Variants in FAM149A observed in about 807,000 individuals in gnomAD.
The protein encoded by FAM149A is protein FAM149A.
FAM149A carries 71 observed loss-of-function variants against 78.2 expected under a neutral mutation model. The ratio of observed to expected loss-of-function variants is 0.91; its 90% CI spans 0.75 to 1.11. The LOEUF is 1.11. FAM149A is among the 50% of genes least tolerant of loss of function. FAM149A has a pLI of 0.00. For missense variants in FAM149A, 1,036 were observed against 971.0 expected (o/e 1.07, Z -0.89); for synonymous variants, 446 against 410.5 (o/e 1.09, Z -1.04).
rs911481292 is a variant in FAM149A at position 186,158,144 on chromosome 4, C to T, written c.1575+425C>T. 12 of 1,286,782 alleles carry T rather than the reference C, an allele frequency of 9.3e-6. No homozygotes were observed. In the Middle Eastern group the frequency reaches 7.2e-4, roughly 77 times the overall value. 79.7% of individuals were successfully genotyped at this position (1,286,782 alleles called of 1,614,324 possible). A position where few individuals can be genotyped will look rare whatever the true frequency, so the allele number is the denominator to read the frequency against. ...CCTGTCTTGCTCCAGGAACACTGGCCGGCAGGCTGTGCTGAAGCTCACTGC... is the reference window on the plus strand; with the variant it reads ...CCTGTCTTGCTCCAGGAACACTGGCTGGCAGGCTGTGCTGAAGCTCACTGC... On this transcript the variant is annotated intron_variant, in intron 8 of 13. Transcript: ENST00000389354.
intron 1 of FAM149A, among the ~76,000 whole-genome samples, chr4:186,143,092 A>T (rs1216322405): frequency 1.3e-5 from 2 of 151,906 alleles, no homozygotes; most frequent in East Asian, 1.9e-4. Context: ...AATATATATA[A>T]AAGTAAAAGC....
At chr4:186,146,669 C>G (rs1409609532) in intron 1 of FAM149A, 3 of 705,972 alleles carry the variant, frequency 4.2e-6, no homozygotes, top group Non-Finnish European at 5.2e-6. Flanking sequence ...CCGTCTTGAG[C>G]AGAGCAGATG....
rs1051936621 is a variant in FAM149A at position 186,109,498 on chromosome 4, T to C, written c.566+3856T>C. On this transcript the variant is annotated intron_variant, in intron 1 of 13. Transcript: ENST00000389354. The stretch of plus-strand genomic sequence containing the variant: ...CTGTAGACCCGGAAACCAGACGAGG[T>C]GGATTCCACCTCAAACCGATTGCTA... The C allele has an allele frequency of 4.1e-6, 4 of 985,214 alleles. No homozygotes were observed. The African/African-American group carries it at 7.0e-5, about 17-fold the overall frequency. The allele number at this position is 985,214 out of a possible 1,614,324, so 61.0% of individuals were successfully genotyped here.
chr4:186,144,252 C>T lies in FAM149A; in HGVS notation c.567-4921C>T, dbSNP rs1214442318. 6.6e-6 allele frequency: 1 copy of T among 152,166 alleles called. No homozygotes were observed. Among genetic ancestry groups the T allele is most frequent in the African/African-American group, 2.4e-5 (1 of 41,432 alleles). 9.4% of individuals were successfully genotyped at this position (152,166 alleles called of 1,614,324 possible). On this transcript the variant is annotated intron_variant, in intron 1 of 13. Coordinates refer to ENST00000389354, the MANE Select transcript of FAM149A (RefSeq NM_001367768.3). This position sits in a 1 kb window ranked among gnomAD's most constrained non-coding sequence, Gnocchi z 4.2. ...TGCTCCTGGTATAATCCTGGGCCTC[C>T]AAAACTGAAACGAGCACATGGTAAC...
intron 1 of FAM149A, among the ~76,000 whole-genome samples, chr4:186,140,928 A>T (rs2099325540): frequency 6.6e-6 from 1 of 152,252 alleles, no homozygotes; most frequent in South Asian, 2.1e-4. Context: ...ATGGAGGCTG[A>T]CAAGTCACAA....
chr4:186,117,150 A>G (rs1425293301), intron 1 of FAM149A, among the ~76,000 whole-genome samples: 2 of 152,196 alleles, frequency 1.3e-5, no homozygotes, highest in African/African-American at 4.8e-5. Flanking sequence ...TGGCTGGTAC[A>G]TAAGCACTTA....
intron 3 of FAM149A, among the ~76,000 whole-genome samples, chr4:186,150,677 C>A (rs1426323474): frequency 6.7e-6 from 1 of 148,512 alleles, no homozygotes; most frequent in Admixed American, 6.7e-5. Context: ...TCTCGGCCTC[C>A]CAAAGTGCTG....
chr4:186,150,621 G>T (rs1194147683), intron 3 of FAM149A, among the ~76,000 whole-genome samples: 2 of 139,268 alleles, frequency 1.4e-5, no homozygotes, highest in African/African-American at 2.7e-5. Context: ...GGGTTTCACC[G>T]TGTTAGCCAG....
intron 1 of FAM149A, among the ~76,000 whole-genome samples, chr4:186,128,596 G>A (rs764798327): frequency 5.3e-5 from 8 of 152,162 alleles, no homozygotes; most frequent in Non-Finnish European, 1.2e-4. Context: ...GAAGGGCTGA[G>A]CTCTGCTTAA....
chr4:186,132,197 C>A (rs2099321028), intron 1 of FAM149A: 1 of 985,252 alleles, frequency 1.0e-6, no homozygotes, highest in African/African-American at 1.7e-5. Context: ...TTTTTAAAGA[C>A]CTGTTTTCTA....
intron 1 of FAM149A, among the ~76,000 whole-genome samples, chr4:186,120,639 C>T (rs2099315595): frequency 1.3e-5 from 2 of 150,754 alleles, no homozygotes. Context: ...TAAAAAAACA[C>T]AAAAATTAGC....
chr4:186,158,138 A>G lies in FAM149A; in HGVS notation c.1575+419A>G, dbSNP rs551067852. ...GAGGTCCCTGTCTTGCTCCAGGAAC[A>G]CTGGCCGGCAGGCTGTGCTGAAGCT... is the stretch of plus-strand genomic sequence containing the variant. On this transcript the variant is annotated intron_variant, in intron 8 of 13. Coordinates refer to ENST00000389354, the MANE Select transcript of FAM149A (RefSeq NM_001367768.3). 3.5e-5 allele frequency: 45 copies of G among 1,289,702 alleles called. 1 individual carries two copies. In the African/African-American group the frequency reaches 5.0e-4, roughly 14 times the overall value. 79.9% of individuals were successfully genotyped at this position (1,289,702 alleles called of 1,614,324 possible). A position where few individuals can be genotyped will look rare whatever the true frequency, so the allele number is the denominator to read the frequency against.
At chr4:186,127,325 G>A in intron 1 of FAM149A, 8 of 984,596 alleles carry the variant, frequency 8.1e-6, no homozygotes, top group Non-Finnish European at 9.6e-6. Context: ...ATAAGAAGTA[G>A]GTTTACTTCA....
At chr4:186,169,656 T>A in intron 13 of FAM149A, 1 of 985,408 alleles carries the variant, frequency 1.0e-6, no homozygotes, top group Non-Finnish European at 1.2e-6. Context: ...GGATTCATGG[T>A]GACACCTTCG....
chr4:186,151,608 G>A (rs754993824), intron 3 of FAM149A: 20 of 373,812 alleles, frequency 5.4e-5, no homozygotes, highest in Non-Finnish European at 7.0e-5. Flanking sequence ...GTCTGTGGCA[G>A]TATGAACACG....
At chr4:186,139,428 A>G (rs1482239478) in intron 1 of FAM149A, among the ~76,000 whole-genome samples, 3 of 151,762 alleles carry the variant, frequency 2.0e-5, no homozygotes, top group African/African-American at 7.2e-5. Flanking sequence ...CATGATTGCA[A>G]AGCCCTCGTG....
intron 4 of FAM149A, chr4:186,153,307 T>C: frequency 1.1e-6 from 1 of 930,624 alleles, no homozygotes; most frequent in Non-Finnish European, 1.3e-6. Context: ...ATGGAGGGCT[T>C]CTTTGTGCCC....
chr4:186,132,870 T>TC, intron 1 of FAM149A: 1 of 640,464 alleles, frequency 1.6e-6, no homozygotes, highest in Non-Finnish European at 1.9e-6. Flanking sequence ...TGAACTGGGG[T>TC]CCCAAGTTTC....
chr4:186,130,521 A>ATTT (rs11378408), intron 1 of FAM149A, among the ~76,000 whole-genome samples: 4 of 145,038 alleles, frequency 2.8e-5, no homozygotes, highest in South Asian at 2.2e-4. Context: ...CATGCCTGGC[A>ATTT]TTTTTTTTTT....
Sources: allele counts gnomAD v4.1 joint callset (sites outside exome capture counted in the v4.1 genomes callset), GRCh38; gene constraint gnomAD v4.1.1; non-coding constraint Gnocchi (gnomAD v3.1); transcripts MANE v1.5; gene names NCBI Gene and HGNC (gene_info 2026-07-23, HGNC 2026-07-21).